The following KCNIP3 variants were observed in gnomAD, a reference collection of about 807,000 sequenced individuals.
The protein encoded by KCNIP3 is potassium voltage-gated channel interacting protein 3, also known as calsenilin.
In KCNIP3, 28 loss-of-function variants were observed where a neutral mutation model predicts 35.0. The ratio of observed to expected loss-of-function variants is 0.80; its 90% CI spans 0.59 to 1.10. The LOEUF (loss-of-function observed/expected upper bound fraction) is 1.10. Among genes scored for constraint, KCNIP3 ranks in the 50% least tolerant of loss-of-function variants. The pLI is 0.00. For missense variants in KCNIP3, 295 were observed against 338.4 expected (o/e 0.87, Z 1.01); for synonymous variants, 134 against 133.8 (o/e 1.00, Z -0.01).
At chr2:95,324,815 G>A (rs1401632844) in intron 2 of KCNIP3, among the ~76,000 whole-genome samples, 1 of 152,012 alleles carries the variant, frequency 6.6e-6, no homozygotes, top group African/African-American at 2.4e-5. Flanking sequence ...GGAGGTTGAG[G>A]CAGAAGAATG....
In KCNIP3 at chr2:95,332,632, T is replaced by G. The variant is rs112382642; in HGVS notation, c.181+22112T>G. ...TCTTCAAGTGTGGGCCATGGGATATTAATATGTGTCATGTGGAAAGGTATT... is the reference window on the plus strand; with the variant it reads ...TCTTCAAGTGTGGGCCATGGGATATGAATATGTGTCATGTGGAAAGGTATT... On this transcript the variant is annotated intron_variant, in intron 2 of 8. Transcript: ENST00000295225. 1.5e-3 allele frequency among the ~76,000 whole-genome samples: 231 copies of G among 152,364 alleles called. 1 individual carries two copies. The highest frequency in any genetic ancestry group is 2.3e-3 in the Non-Finnish European group (158 of 68,042).
At chr2:95,372,431 T>A (rs1390888866) in intron 2 of KCNIP3, among the ~76,000 whole-genome samples, 1 of 152,154 alleles carries the variant, frequency 6.6e-6, no homozygotes, top group Non-Finnish European at 1.5e-5. Flanking sequence ...TGGCGTGGGA[T>A]GCTGGTTTAC....
chr2:95,340,050 G>T (rs1258575581), intron 2 of KCNIP3, among the ~76,000 whole-genome samples: 4 of 152,040 alleles, frequency 2.6e-5, no homozygotes, highest in African/African-American at 7.2e-5. Context: ...TAAAAACTCC[G>T]TCCCAGGCTG....
chr2:95,321,407 G>C (rs1678596277), intron 2 of KCNIP3, among the ~76,000 whole-genome samples: 1 of 152,240 alleles, frequency 6.6e-6, no homozygotes, highest in South Asian at 2.1e-4. Flanking sequence ...AGGCGCCCCG[G>C]ATGGAGCCCC....
chr2:95,375,259 G>A (rs779516733), intron 5 of KCNIP3, 51 bp downstream of exon 5: 2 of 1,521,284 alleles, frequency 1.3e-6, no homozygotes, highest in East Asian at 2.2e-5. Context: ...GGTTGCAGGA[G>A]TGAATCCTTA....
chr2:95,368,286 A>G (rs544492487), intron 2 of KCNIP3, among the ~76,000 whole-genome samples: 2 of 152,100 alleles, frequency 1.3e-5, no homozygotes, highest in East Asian at 1.9e-4. Flanking sequence ...GTAGTTTTCT[A>G]TGCCTTCTCA....
At chr2:95,297,599 G>T in intron 1 of KCNIP3, 146 bp downstream of exon 1, 1 of 707,294 alleles carries the variant, frequency 1.4e-6, no homozygotes, top group Non-Finnish European at 2.4e-6. Context: ...AGTGAGCGTT[G>T]GGGCGTCCTG....
At chr2:95,328,400 G>A (rs1678844666) in intron 2 of KCNIP3, among the ~76,000 whole-genome samples, 1 of 152,264 alleles carries the variant, frequency 6.6e-6, no homozygotes, top group Non-Finnish European at 1.5e-5. Flanking sequence ...TGGGAAATGT[G>A]AGGCCCACTC....
chr2:95,317,851 A>G (rs1182538788), intron 2 of KCNIP3, among the ~76,000 whole-genome samples: 1 of 152,204 alleles, frequency 6.6e-6, no homozygotes, highest in Admixed American at 6.5e-5. Context: ...CAAGGATGGC[A>G]GGGTGCGGCC....
chr2:95,302,832 C>T (rs991444606), intron 1 of KCNIP3, among the ~76,000 whole-genome samples: 17 of 152,184 alleles, frequency 1.1e-4, no homozygotes, highest in Admixed American at 3.3e-4. Context: ...CCCAACTAGC[C>T]GTGCCCTCTG....
intron 2 of KCNIP3, among the ~76,000 whole-genome samples, chr2:95,359,501 G>A (rs534102786): frequency 2.6e-5 from 4 of 152,180 alleles, no homozygotes; most frequent in African/African-American, 7.2e-5. Flanking sequence ...CATGGCTTTG[G>A]TGGGCTCGGC....
intron 2 of KCNIP3, among the ~76,000 whole-genome samples, chr2:95,340,317 A>G (rs1679165567): frequency 6.7e-6 from 1 of 149,916 alleles, no homozygotes; most frequent in Non-Finnish European, 1.5e-5. Context: ...GCTTGGGCAA[A>G]AAGGGTGAAA....
intron 2 of KCNIP3, among the ~76,000 whole-genome samples, chr2:95,345,776 C>T (rs1679339602): frequency 6.6e-6 from 1 of 152,246 alleles, no homozygotes; most frequent in Non-Finnish European, 1.5e-5. Flanking sequence ...CCGGGCTCCG[C>T]CCGGCCACGC....
chr2:95,308,724 C>G (rs1330376203), intron 1 of KCNIP3, among the ~76,000 whole-genome samples: 3 of 152,170 alleles, frequency 2.0e-5, no homozygotes, highest in African/African-American at 4.8e-5. Context: ...AGGACTGGCT[C>G]TCTGTGCTTC....
At chr2:95,308,459 A>C (rs752261600) in intron 1 of KCNIP3, among the ~76,000 whole-genome samples, 3 of 152,234 alleles carry the variant, frequency 2.0e-5, no homozygotes, top group Non-Finnish European at 4.4e-5. Context: ...CCACTTCATC[A>C]AACACTGACT....
At chr2:95,333,635 G>A (rs1428112099) in intron 2 of KCNIP3, among the ~76,000 whole-genome samples, 3 of 152,238 alleles carry the variant, frequency 2.0e-5, no homozygotes, top group South Asian at 2.1e-4. Context: ...GTGACAGCTC[G>A]TAGGAGCATG....
At chr2:95,308,311 C>T (rs935178755) in intron 1 of KCNIP3, among the ~76,000 whole-genome samples, 7 of 152,232 alleles carry the variant, frequency 4.6e-5, no homozygotes, top group African/African-American at 1.4e-4. Context: ...AGGGGAGGGA[C>T]GTGCAGGGGT....
In KCNIP3 at chr2:95,372,851, T is replaced by C. The variant is rs183920686; in HGVS notation, c.182-1445T>C. On this transcript the variant is annotated intron_variant, in intron 2 of 8. Transcript: ENST00000295225. ...ATAGTTATCTTGGAGATGGGGAGCA[T>C]GTGTGGACCAAAGAAACAGCCCAAT... Among the ~76,000 whole-genome samples, 748 of 152,226 alleles carry C rather than the reference T, an allele frequency of 4.9e-3. 9 individuals are homozygous for C. The highest frequency in any genetic ancestry group is 0.017 in the African/African-American group (706 of 41,530).
chr2:95,319,801 C>G (rs1678545338), intron 2 of KCNIP3, among the ~76,000 whole-genome samples: 1 of 152,244 alleles, frequency 6.6e-6, no homozygotes. Flanking sequence ...CCCTCTCTCT[C>G]CCTCCGCTGC....
Sources: allele counts gnomAD v4.1 joint callset (sites outside exome capture counted in the v4.1 genomes callset), GRCh38; gene constraint gnomAD v4.1.1; transcripts MANE v1.5; gene names NCBI Gene and HGNC (gene_info 2026-07-23, HGNC 2026-07-21).